Variants in TMEM101 observed in about 807,000 individuals in gnomAD.
TMEM101 encodes putative NF-kappa-B-activating protein 130.
In TMEM101, 14 loss-of-function variants were observed where a neutral mutation model predicts 26.0. That is an observed-to-expected ratio of 0.54 (90% confidence interval 0.36 to 0.84). The LOEUF is 0.84. Ranked by LOEUF, TMEM101 falls within the 40% of genes least tolerant of loss-of-function variation. TMEM101 has a pLI of 0.01. For missense variants in TMEM101, 292 were observed against 345.1 expected, an observed-to-expected ratio of 0.85 and a Z score of 1.22; for synonymous variants, 152 against 145.1, an observed-to-expected ratio of 1.05 and a Z score of -0.34.
chr17:44,016,418 G>T (rs974459377), upstream of TMEM101, among the ~76,000 whole-genome samples: 1 of 152,094 alleles, frequency 6.6e-6, no homozygotes, highest in African/African-American at 2.4e-5. Context: ...CGATCCAACC[G>T]CCTTGGCCTC....
chr17:44,017,022 G>A (rs775164596), upstream of TMEM101, among the ~76,000 whole-genome samples: 2 of 151,858 alleles, frequency 1.3e-5, no homozygotes, highest in Non-Finnish European at 2.9e-5. Context: ...GCTACTCCGG[G>A]CGCCTGTAGT....
upstream of TMEM101, chr17:44,015,088 T>C (rs984269062): frequency 8.0e-7 from 1 of 1,254,240 alleles, no homozygotes; most frequent in Non-Finnish European, 1.1e-6. Flanking sequence ...GTTCCGGATC[T>C]AAGGTGACCC....
At chr17:44,018,387 T>C (rs1308234327), upstream of TMEM101, among the ~76,000 whole-genome samples, 2 of 152,168 alleles carry the variant, frequency 1.3e-5, no homozygotes, top group Non-Finnish European at 2.9e-5. Flanking sequence ...AATGAGATTG[T>C]ATACGTGTAT....
chr17:44,018,504 C>T (rs1246637211), upstream of TMEM101, among the ~76,000 whole-genome samples: 1 of 152,170 alleles, frequency 6.6e-6, no homozygotes, highest in Non-Finnish European at 1.5e-5. Flanking sequence ...AAACAAATTT[C>T]CTTTACCACA....
In TMEM101 at chr17:44,013,689, G is replaced by A. The variant is rs947157051; in HGVS notation, c.319-534C>T. 7.2e-5 allele frequency among the ~76,000 whole-genome samples: 11 copies of A among 152,092 alleles called. 2 individuals carry two copies. Among genetic ancestry groups the A allele is most frequent in the Admixed American group, 7.2e-4 (11 of 15,266 alleles). On this transcript the variant is annotated intron_variant, in intron 2 of 3. Transcript: ENST00000206380. ...ACAACAACAAAAAAGAAAACTGGCA[G>A]GTCCTACCTGCCAGTAAGTGGCAGA...
intron 1 of TMEM101, among the ~76,000 whole-genome samples, chr17:44,022,655 A>G (rs1597875814): frequency 6.6e-6 from 1 of 152,170 alleles, no homozygotes; most frequent in Admixed American, 6.5e-5. Flanking sequence ...AAATTGCACT[A>G]ATTTAGATTC....
In TMEM101 at chr17:44,012,225, C is replaced by T. The variant is rs759948544; in HGVS notation, c.477G>A (p.Leu159=). 11 of 1,612,342 alleles carry T rather than the reference C, an allele frequency of 6.8e-6. No homozygotes were observed. In the East Asian group the frequency reaches 2.5e-4, roughly 36 times the overall value. ...GIYLICVAYS[L]QHSKEDRLAY... ...CCAGCCGGTCCTCCTTGCTGTGCTGCAGTGAGTAGGCCTGGAGACATAACA... is the reference window on the plus strand; with the variant it reads ...CCAGCCGGTCCTCCTTGCTGTGCTGTAGTGAGTAGGCCTGGAGACATAACA... The change falls in exon 4 of 4, where the codon CTG becomes CTA. Residue 159 remains leucine, a synonymous_variant. Transcript: ENST00000206380.
intron 2 of TMEM101, 137 bp downstream of exon 2, chr17:44,014,220 G>A: frequency 1.0e-6 from 1 of 1,004,036 alleles, no homozygotes; most frequent in Non-Finnish European, 1.4e-6. Context: ...ATCTCCATAA[G>A]CCAAGGGGTT....
chr17:44,022,423 G>C (rs2049293603), intron 1 of TMEM101, among the ~76,000 whole-genome samples: 1 of 152,310 alleles, frequency 6.6e-6, no homozygotes, highest in South Asian at 2.1e-4. Flanking sequence ...TGATAGCTTT[G>C]AGCCTGATCA....
upstream of TMEM101, among the ~76,000 whole-genome samples, chr17:44,017,608 A>C (rs228780): frequency 0.7 from 95,717 of 136,900 alleles, 34,265 homozygotes; most frequent in East Asian, 0.91. Context: ...AAAAAAAAAA[A>C]AAAAAAAAGC....
upstream of TMEM101, among the ~76,000 whole-genome samples, chr17:44,017,458 G>A (rs1226724919): frequency 1.3e-5 from 2 of 150,872 alleles, no homozygotes; most frequent in Admixed American, 1.3e-4. Context: ...GCCAGGAGTG[G>A]TGGCAGGCGC....
chr17:44,019,371 G>T, upstream of TMEM101: 1 of 434,448 alleles, frequency 2.3e-6, no homozygotes. Flanking sequence ...CTCCAGAGTC[G>T]GCCACTCGTC....
At chr17:44,022,050 G>A (rs904746578) in intron 1 of TMEM101, among the ~76,000 whole-genome samples, 6 of 152,158 alleles carry the variant, frequency 3.9e-5, no homozygotes, top group Admixed American at 2.0e-4. Flanking sequence ...TCTCTCCCCA[G>A]TGAAAGTCAT....
At chr17:44,015,457 G>A (rs1475773049), upstream of TMEM101, among the ~76,000 whole-genome samples, 2 of 151,764 alleles carry the variant, frequency 1.3e-5, no homozygotes, top group South Asian at 2.1e-4. Context: ...GCAATGGCAC[G>A]ATCTTGGCTC....
chr17:44,013,195 C>T (rs751512485), intron 2 of TMEM101, 40 bp from the exon 3 acceptor site: 40 of 1,486,808 alleles, frequency 2.7e-5, no homozygotes, highest in South Asian at 1.2e-4. Flanking sequence ...GAACTGCAGC[C>T]GCCACATCTC....
upstream of TMEM101, among the ~76,000 whole-genome samples, chr17:44,017,187 T>C (rs9901189): frequency 2.9e-3 from 425 of 147,106 alleles, 1 homozygote; most frequent in African/African-American, 8.9e-3. Flanking sequence ...AGGCCGGGTG[T>C]GGTGGCTCAC....
Position 44,011,755 on chromosome 17 carries a change from C to T in TMEM101, c.*173G>A, listed in dbSNP as rs2049160065. 5 of 713,560 alleles carry T rather than the reference C, an allele frequency of 7.0e-6. No individual in the cohort carries two copies. Among genetic ancestry groups the T allele is most frequent in the East Asian group, 2.7e-5 (1 of 36,470 alleles). 44.2% of individuals were successfully genotyped at this position (713,560 alleles called of 1,614,324 possible). A position where few individuals can be genotyped will look rare whatever the true frequency, so the allele number is the denominator to read the frequency against. On this transcript the variant is annotated 3_prime_UTR_variant, in exon 4 of 4. Transcript: ENST00000206380. ...CTCCTGCCCTCCCAAGCGCTGAGCC[C>T]AGAAATTTGGACAAATGAGCTGCCT...
In TMEM101 at chr17:44,014,392, T is replaced by G. The variant is rs1774450591; in HGVS notation, c.283A>C (p.Ile95Leu). 3.2e-6 allele frequency: 5 copies of G among 1,554,646 alleles called. No individual in the cohort carries two copies. ...TCCCCGTAGTGGACGTAGCCCCCGA[T>G]GTAGGCGGCGTAGGTGCTAATGGCC... ...QLAISTYAAY[I>L]GGYVHYGDWL... is the part of the protein sequence containing the mutation. Residue 95 changes from isoleucine to leucine, a missense_variant, in exon 2 of 4, where the codon ATC (isoleucine) becomes CTC (leucine). Around this residue, in one of 2 missense-constraint regions of TMEM101, gnomAD observed 143 missense variants for 133.2 expected, o/e 1.07. Transcript: ENST00000206380.
chr17:44,015,097 C>CA, upstream of TMEM101: 1 of 1,177,958 alleles, frequency 8.5e-7, no homozygotes, highest in Non-Finnish European at 1.2e-6. Context: ...CTAAGGTGAC[C>CA]CAGTTGCGAA....
Sources: allele counts gnomAD v4.1 joint callset (sites outside exome capture counted in the v4.1 genomes callset), GRCh38; gene constraint gnomAD v4.1.1; regional missense constraint gnomAD v4.1.1; transcripts MANE v1.5; gene names NCBI Gene and HGNC (gene_info 2026-07-23, HGNC 2026-07-21).